VASH2: variants seen among roughly 807,000 people sequenced by gnomAD.
VASH2 encodes the protein vasohibin 2, also known as tubulinyl-Tyr carboxypeptidase 2.
VASH2 carries 28 observed loss-of-function variants against 37.2 expected under a neutral mutation model. That is an observed-to-expected ratio of 0.75 (90% CI 0.56 to 1.03). The LOEUF (loss-of-function observed/expected upper bound fraction) is 1.03. Among genes scored for constraint, VASH2 ranks in the 50% least tolerant of loss-of-function variants. The probability of loss-of-function intolerance (pLI) is 0.00; values close to 1 mark genes in which losing one functional copy is unlikely to be tolerated. For synonymous variants in VASH2, 188 were observed against 174.7 expected (o/e 1.08, Z -0.60); for missense variants, 419 against 459.1 (o/e 0.91, Z 0.80).
rs530219590 is a variant in VASH2 at position 212,974,849 on chromosome 1, G to A, written c.995+779G>A. On this transcript the variant is annotated intron_variant, in intron 7 of 7. Coordinates refer to ENST00000517399, the MANE Select transcript of VASH2 (RefSeq NM_001301056.2). ...CTTGGTTGAATCCCAACTGTGCCAC[G>A]TGTTAGCTGTGCAGCTGGGCACATC... The A allele has an allele frequency of 2.0e-5, 3 of 152,362 alleles. 1 individual carries two copies. Among genetic ancestry groups the A allele is most frequent in the African/African-American group, 7.2e-5 (3 of 41,576 alleles). The allele number at this position is 152,362 out of a possible 1,614,324, so 9.4% of individuals were successfully genotyped here. A position where few individuals can be genotyped will look rare whatever the true frequency, so the allele number is the denominator to read the frequency against.
chr1:212,951,548 C>A lies in VASH2; in HGVS notation c.6C>A (p.Thr2=). ...CTCCCCGCCCAGGCCCCACCATGAC[C>A]GGCTCCGCGGCCGACACTCACCGCT... M[T]GSAADTHRCP... The change falls in exon 2 of 8, where the codon ACC becomes ACA. Residue 2 remains threonine (T), a synonymous_variant. Transcript: ENST00000517399. This position sits in a 1 kb window ranked among gnomAD's most constrained non-coding sequence, Gnocchi z 4.4. The A allele has an allele frequency of 1.3e-6, 2 of 1,515,296 alleles. No homozygotes were observed. Among genetic ancestry groups the A allele is most frequent in the Non-Finnish European group, 1.8e-6 (2 of 1,131,842 alleles). 93.9% of individuals were successfully genotyped at this position (1,515,296 alleles called of 1,614,324 possible).
chr1:212,961,293 G>T, intron 3 of VASH2, 39 bp downstream of exon 3: 1 of 1,613,744 alleles, frequency 6.2e-7, no homozygotes, highest in Non-Finnish European at 8.5e-7. Flanking sequence ...CCCAGCCAGG[G>T]GACAGGCATG....
intron 4 of VASH2, 22 bp from the exon 5 acceptor site, chr1:212,966,249 T>A: frequency 6.5e-7 from 1 of 1,549,532 alleles, no homozygotes; most frequent in East Asian, 2.4e-5. Context: ...TCTGAGATCC[T>A]CTGCTGTGCT....
At position 212,976,164 on chromosome 1, in the gene VASH2, A is replaced by G. The variant is rs566861668; in HGVS notation, c.995+2094A>G. Among the ~76,000 whole-genome samples, 74 of 152,168 alleles carry G rather than the reference A, an allele frequency of 4.9e-4. 4 individuals carry two copies. The highest frequency in any genetic ancestry group is 2.7e-3 in the East Asian group (14 of 5,180). On this transcript the variant is annotated intron_variant, in intron 7 of 7. Transcript: ENST00000517399. ...TGGGGTGCATCTTCGGCATTGGGGG[A>G]GCTGCTAAAAATGCAGACCTGGAGT...
At chr1:212,960,520 G>A (rs1260970715) in intron 2 of VASH2, among the ~76,000 whole-genome samples, 2 of 152,182 alleles carry the variant, frequency 1.3e-5, no homozygotes, top group Non-Finnish European at 1.5e-5. Context: ...GTAGTGCCAT[G>A]TTGCAATTCG....
At chr1:212,980,743 T>A (rs1422245944) in intron 7 of VASH2, among the ~76,000 whole-genome samples, 1 of 152,244 alleles carries the variant, frequency 6.6e-6, no homozygotes, top group Non-Finnish European at 1.5e-5. Context: ...GTAATTCTCC[T>A]TAGATCCCAA....
intron 6 of VASH2, chr1:212,973,468 C>T (rs1372118765): frequency 1.5e-6 from 2 of 1,290,868 alleles, no homozygotes; most frequent in Non-Finnish European, 2.0e-6. Flanking sequence ...TGACTTCAGG[C>T]CTGGCTATGT....
At chr1:212,967,238 G>C in intron 5 of VASH2, 1 of 1,298,242 alleles carries the variant, frequency 7.7e-7, no homozygotes, top group South Asian at 1.2e-5. Flanking sequence ...CGACATATTG[G>C]TGGTGATGAC....
intron 7 of VASH2, among the ~76,000 whole-genome samples, chr1:212,977,941 G>T (rs1378806441): frequency 6.6e-6 from 1 of 152,220 alleles, no homozygotes; most frequent in African/African-American, 2.4e-5. Flanking sequence ...AACTGAGTTG[G>T]CGGTTGACCC....
chr1:212,963,219 C>T lies in VASH2; in HGVS notation c.365+1965C>T, dbSNP rs115601427. ...GAAGGATCTGCTTTTCCATTTTTCT[C>T]TTCTCTGACCCATTATGACTGCGAA... On this transcript the variant is annotated intron_variant, in intron 3 of 7. Transcript: ENST00000517399. Among the ~76,000 whole-genome samples, 570 of 152,316 alleles carry T rather than the reference C, an allele frequency of 3.7e-3. 5 individuals carry two copies. Among genetic ancestry groups the T allele is most frequent in the Non-Finnish European group, 3.8e-3 (261 of 68,022 alleles).
Position 212,951,970 on chromosome 1 carries a change from T to A in VASH2, c.276+152T>A. The A allele has an allele frequency of 9.8e-7, 1 of 1,016,284 alleles. No homozygotes were observed. Among genetic ancestry groups the A allele is most frequent in the South Asian group, 1.7e-5 (1 of 57,458 alleles). The allele number at this position is 1,016,284 out of a possible 1,614,324, so 63.0% of individuals were successfully genotyped here. A position where few individuals can be genotyped will look rare whatever the true frequency, so the allele number is the denominator to read the frequency against. On this transcript the variant is annotated intron_variant, in intron 2 of 7. Coordinates refer to ENST00000517399, the MANE Select transcript of VASH2 (RefSeq NM_001301056.2). The surrounding 1 kb of genome is among the most constrained non-coding windows in gnomAD (Gnocchi z 4.4). ...CTCCCCATTCCTTCCTGCCAGCCCT[T>A]TTCTAATTGAGATATTTAGATTGGA... is the stretch of plus-strand genomic sequence containing the variant.
At position 212,974,078 on chromosome 1, in the gene VASH2, ATAT is replaced by A; in HGVS notation, c.995+10_995+12del. 9 of 1,607,242 alleles carry A rather than the reference ATAT, an allele frequency of 5.6e-6. No homozygotes were observed. The South Asian group carries it at 1.0e-4, about 18-fold the overall frequency. On this transcript the variant is annotated intron_variant, in intron 7 of 7. Transcript: ENST00000517399. The stretch of plus-strand genomic sequence containing the variant: ...CGGCCGGCGAGAGAAGTCGTGAGTA[ATAT>A]TTCCTCTTCCCCAACTCAAAGCCCA...
rs1181886073 is a variant in VASH2 at position 212,961,190 on chromosome 1, T to C, written c.301T>C (p.Tyr101His). 6.2e-7 allele frequency: 1 copy of C among 1,614,142 alleles called. No homozygotes were observed. The highest frequency in any genetic ancestry group is 2.2e-5 in the East Asian group (1 of 44,880). ...AKPSIPQVPN[Y>H]RLSMTIPDWL... ...GCCTTCAATACCCCAGGTCCCAAAC[T>C]ACAGGCTGTCGATGACGATCCCAGA... Residue 101 changes from tyrosine (Y) to histidine (H), a missense_variant, in exon 3 of 8, where the codon TAC becomes CAC. Transcript: ENST00000517399.
At chr1:212,956,608 G>C (rs545609370) in intron 2 of VASH2, among the ~76,000 whole-genome samples, 1 of 152,286 alleles carries the variant, frequency 6.6e-6, no homozygotes, top group East Asian at 1.9e-4. Context: ...ATATGCCCTG[G>C]GCTTTTCTTG....
intron 5 of VASH2, among the ~76,000 whole-genome samples, chr1:212,970,955 T>C (rs904852612): frequency 1.3e-5 from 2 of 151,246 alleles, no homozygotes; most frequent in Admixed American, 6.6e-5. Context: ...CGTTAAAAAG[T>C]ACTCCCCATT....
At chr1:212,955,610 C>T (rs373138800) in intron 2 of VASH2, among the ~76,000 whole-genome samples, 1 of 152,204 alleles carries the variant, frequency 6.6e-6, no homozygotes, top group African/African-American at 2.4e-5. Flanking sequence ...GAACTGGACT[C>T]TCCTTGGGGC....
At chr1:212,987,121 C>T (rs1667500824) in intron 7 of VASH2, among the ~76,000 whole-genome samples, 1 of 152,100 alleles carries the variant, frequency 6.6e-6, no homozygotes. Context: ...TAGCTAGAAG[C>T]TAGCTGTTGA....
rs1667008189 is a variant in VASH2, at chr1:212,971,452, C to A, written c.498-1128C>A. Among the ~76,000 whole-genome samples the A allele has an allele frequency of 6.6e-6, 1 of 152,202 alleles. No homozygotes were observed. Among genetic ancestry groups the A allele is most frequent in the Admixed American group, 6.5e-5 (1 of 15,286 alleles). Reference sequence around the variant, plus strand: ...TGTGTTCTTATCTTTGGCTCCACAGCCCTACCTGGCAGGCTGTCGGGCACA... The same window carrying A: ...TGTGTTCTTATCTTTGGCTCCACAGACCTACCTGGCAGGCTGTCGGGCACA... On this transcript the variant is annotated intron_variant, in intron 5 of 7. Coordinates refer to ENST00000517399, the MANE Select transcript of VASH2 (RefSeq NM_001301056.2). The surrounding 1 kb of genome is among the most constrained non-coding windows in gnomAD (Gnocchi z 4.0).
chr1:212,985,672 CT>C (rs1160826480), intron 7 of VASH2, among the ~76,000 whole-genome samples: 1 of 152,156 alleles, frequency 6.6e-6, no homozygotes, highest in Non-Finnish European at 1.5e-5. Context: ...CCACCTCAGC[CT>C]CCCAAAGTGC....
Sources: allele counts gnomAD v4.1 joint callset (sites outside exome capture counted in the v4.1 genomes callset), GRCh38; gene constraint gnomAD v4.1.1; non-coding constraint Gnocchi (gnomAD v3.1); transcripts MANE v1.5; gene names NCBI Gene and HGNC (gene_info 2026-07-23, HGNC 2026-07-21).